The following BCHE variants were observed in gnomAD, a reference collection of about 807,000 sequenced individuals.
The protein encoded by BCHE is butyrylcholinesterase, also known as cholinesterase.
BCHE carries 48 observed loss-of-function variants against 51.3 expected under a neutral mutation model. The observed-to-expected ratio is 0.94, with a 90% CI of 0.74 to 1.19. The LOEUF (loss-of-function observed/expected upper bound fraction) is 1.19. Ranked by LOEUF, BCHE falls within the 50% of genes most tolerant of loss-of-function variation. The pLI is 0.00. For synonymous variants in BCHE, 251 were observed against 238.0 expected, an observed-to-expected ratio of 1.05 and a Z score of -0.50; for missense variants, 847 against 708.2, an observed-to-expected ratio of 1.20 and a Z score of -2.23.
intron 2 of BCHE, among the ~76,000 whole-genome samples, chr3:165,795,618 C>A (rs1713346341): frequency 6.6e-6 from 1 of 152,006 alleles, no homozygotes; most frequent in Admixed American, 6.6e-5. Flanking sequence ...AAAATAATTA[C>A]CGAAGAACAA....
chr3:165,821,639 G>T (rs1416266026), intron 2 of BCHE, among the ~76,000 whole-genome samples: 1 of 151,724 alleles, frequency 6.6e-6, no homozygotes, highest in Non-Finnish European at 1.5e-5. Context: ...TGACGTTATG[G>T]CCATCTGTAT....
rs553926119 is a variant in BCHE at position 165,819,324 on chromosome 3, C to T, written c.1517+10193G>A. Reference sequence around the variant, plus strand: ...AACTCCTGACCTCGGATGATCCTCCCGTTTCGGCCTCCCAAAGTGCTGGGA... The same window carrying T: ...AACTCCTGACCTCGGATGATCCTCCTGTTTCGGCCTCCCAAAGTGCTGGGA... On this transcript the variant is annotated intron_variant, in intron 2 of 3. Coordinates refer to ENST00000264381, the MANE Select transcript of BCHE (RefSeq NM_000055.4). Among the ~76,000 whole-genome samples the T allele has an allele frequency of 7.8e-4, 118 of 152,004 alleles. 1 individual carries two copies. The South Asian group carries it at 0.023, about 29-fold the overall frequency.
intron 2 of BCHE, among the ~76,000 whole-genome samples, chr3:165,796,756 C>G (rs1054697975): frequency 6.6e-6 from 1 of 152,062 alleles, no homozygotes; most frequent in Admixed American, 6.5e-5. Flanking sequence ...TCACTAAAGT[C>G]GTTGGATAGA....
At chr3:165,784,070 T>G (rs1286424467) in intron 3 of BCHE, among the ~76,000 whole-genome samples, 4 of 151,980 alleles carry the variant, frequency 2.6e-5, no homozygotes. Context: ...ATTTTTCCTT[T>G]TAAGAAAGCC....
rs61055009 is a variant in BCHE at position 165,786,875 on chromosome 3, C to A, written c.1518-564G>T. Among the ~76,000 whole-genome samples, 264 of 151,854 alleles carry A rather than the reference C, an allele frequency of 1.7e-3. 1 individual carries two copies. Among genetic ancestry groups the A allele is most frequent in the African/African-American group, 6.1e-3 (255 of 41,500 alleles). On this transcript the variant is annotated intron_variant, in intron 2 of 3. Coordinates refer to ENST00000264381, the MANE Select transcript of BCHE (RefSeq NM_000055.4). Reference sequence around the variant, plus strand: ...ATAGATCTGTTTACTAATTAAAAATCTTTCAATAATTCTTAAGTGGTTTCA... The same window carrying A: ...ATAGATCTGTTTACTAATTAAAAATATTTCAATAATTCTTAAGTGGTTTCA...
At chr3:165,813,716 A>AAAGAT (rs557530255) in intron 2 of BCHE, among the ~76,000 whole-genome samples, 287 of 152,028 alleles carry the variant, frequency 1.9e-3, no homozygotes, top group African/African-American at 6.7e-3. Context: ...GGACAATTAT[A>AAAGAT]AAGGTTTAAT....
intron 2 of BCHE, among the ~76,000 whole-genome samples, chr3:165,809,037 T>A (rs1713978556): frequency 6.6e-6 from 1 of 152,118 alleles, no homozygotes; most frequent in African/African-American, 2.4e-5. Flanking sequence ...TATATTAAGT[T>A]TAAAAAGTAA....
intron 1 of BCHE, among the ~76,000 whole-genome samples, chr3:165,836,001 TGACTC>T (rs1402747163): frequency 3.3e-5 from 5 of 151,888 alleles, no homozygotes; most frequent in African/African-American, 9.7e-5. Flanking sequence ...TATCAAGAAA[TGACTC>T]GAAGAAGGAA....
At chr3:165,777,859 A>G (rs1712533430) in intron 3 of BCHE, 8 of 390,524 alleles carry the variant, frequency 2.0e-5, no homozygotes, top group Non-Finnish European at 3.2e-5. Context: ...CTCAATAAGT[A>G]GTAAATATAT....
chr3:165,809,719 T>A (rs79312576), intron 2 of BCHE, among the ~76,000 whole-genome samples: 286 of 152,226 alleles, frequency 1.9e-3, no homozygotes, highest in African/African-American at 6.7e-3. Context: ...CAAGGGTAGC[T>A]TACTATCATA....
At chr3:165,778,454 C>T (rs1712557545) in intron 3 of BCHE, 1 of 215,706 alleles carries the variant, frequency 4.6e-6, no homozygotes, top group Admixed American at 4.3e-5. Context: ...ATAACCAGAA[C>T]ATATCAGTTT....
intron 3 of BCHE, among the ~76,000 whole-genome samples, chr3:165,782,967 T>A (rs1260688312): frequency 2.0e-5 from 3 of 152,098 alleles, no homozygotes; most frequent in African/African-American, 7.2e-5. Context: ...GTGGTTAGGA[T>A]GTCAACATAT....
chr3:165,830,405 A>G lies in BCHE; in HGVS notation c.629T>C (p.Ile210Thr). 3 of 1,613,988 alleles carry G rather than the reference A, an allele frequency of 1.9e-6. No homozygotes were observed. Among genetic ancestry groups the G allele is most frequent in the Non-Finnish European group, 2.5e-6 (3 of 1,179,936 alleles). ...TTTAGGATTTCCACCAAAGGCTGCT[A>G]TATTTTTTTGAACCCACTGAAGAGC... is the stretch of plus-strand genomic sequence containing the variant. ...QLALQWVQKNIAAFGGNPKSV... is the reference protein window; with the variant it reads ...QLALQWVQKNTAAFGGNPKSV... Residue 210 changes from isoleucine (I) to threonine (T), a missense_variant, in exon 2 of 4, where the codon ATA becomes ACA. Transcript: ENST00000264381.
In BCHE at chr3:165,773,345, A is replaced by G. The variant is rs750357744; in HGVS notation, c.*37T>C. The G allele has an allele frequency of 1.1e-5, 18 of 1,590,642 alleles. No homozygotes were observed. The East Asian group carries it at 1.8e-4, about 16-fold the overall frequency. On this transcript the variant is annotated 3_prime_UTR_variant, in exon 4 of 4. Transcript: ENST00000264381. ...GCTCCTGATATTTTTGCCTTGATCTAAAGGAAAATATGTTCTATAAAGGGT... is the reference window on the plus strand; with the variant it reads ...GCTCCTGATATTTTTGCCTTGATCTGAAGGAAAATATGTTCTATAAAGGGT...
intron 3 of BCHE, among the ~76,000 whole-genome samples, chr3:165,776,982 A>G (rs1712496957): frequency 6.6e-6 from 1 of 151,880 alleles, no homozygotes; most frequent in African/African-American, 2.4e-5. Context: ...AGAAGTGAAG[A>G]TAAAAGGACA....
At chr3:165,784,694 A>C (rs879723795) in intron 3 of BCHE, among the ~76,000 whole-genome samples, 2 of 151,920 alleles carry the variant, frequency 1.3e-5, no homozygotes, top group Non-Finnish European at 2.9e-5. Flanking sequence ...TGATATTCAA[A>C]TTTTATTGTA....
At chr3:165,803,488 T>C (rs1713746730) in intron 2 of BCHE, among the ~76,000 whole-genome samples, 1 of 152,210 alleles carries the variant, frequency 6.6e-6, no homozygotes, top group Admixed American at 6.5e-5. Context: ...CTGTCACACT[T>C]AATACATTTA....
chr3:165,804,604 C>T (rs73877734), intron 2 of BCHE, among the ~76,000 whole-genome samples: 11,244 of 151,926 alleles, frequency 0.074, 450 homozygotes, highest in African/African-American at 0.089. Context: ...ATTGATTTTG[C>T]GATCTGATTA....
rs995322549 is a variant in BCHE at position 165,830,605 on chromosome 3, A to G, written c.429T>C (p.Gly143=). ...KNATVLIWIY[G]GGFQTGTSSL... ...ATGATGTTCCAGTTTGAAAACCACC[A>G]CCATAAATCCATATCAATACAGTGG... The change falls in exon 2 of 4, where the codon GGT becomes GGC. Residue 143 remains glycine, a synonymous_variant. Transcript: ENST00000264381. 2.5e-6 allele frequency: 4 copies of G among 1,613,762 alleles called. No homozygotes were observed. The African/African-American group carries it at 5.3e-5, about 22-fold the overall frequency.
Sources: gnomAD v4.1 joint callset for allele counts (sites outside exome capture counted in the v4.1 genomes callset) on GRCh38, gnomAD v4.1.1 for gene constraint, MANE v1.5 for transcripts, NCBI Gene and HGNC (gene_info 2026-07-23, HGNC 2026-07-21) for gene names.